Variants in RASGRF2 observed in about 807,000 individuals in gnomAD.
RASGRF2 encodes the protein ras-specific guanine nucleotide-releasing factor 2.
A neutral mutation model predicts 151.0 loss-of-function variants in RASGRF2; 76 were observed. The observed-to-expected ratio is 0.50, with a 90% CI of 0.42 to 0.61. RASGRF2 has a LOEUF of 0.61. Ranked by LOEUF, RASGRF2 falls within the 20% of genes least tolerant of loss-of-function variation. The pLI, the probability that RASGRF2 is intolerant of heterozygous loss-of-function variation, is 0.00. For synonymous variants in RASGRF2, 504 were observed against 566.5 expected (o/e 0.89, Z 1.57); for missense variants, 1,148 against 1,564.6 (o/e 0.73, Z 4.49).
intron 1 of RASGRF2, among the ~76,000 whole-genome samples, chr5:81,020,081 A>G (rs1749776313): frequency 6.6e-6 from 1 of 152,240 alleles, no homozygotes; most frequent in African/African-American, 2.4e-5. Context: ...AAGACTGAAA[A>G]TGAAAATTCA....
chr5:81,045,837 T>G (rs752092637), intron 2 of RASGRF2, among the ~76,000 whole-genome samples: 4 of 152,222 alleles, frequency 2.6e-5, no homozygotes, highest in Non-Finnish European at 4.4e-5. Flanking sequence ...AACTTGGATC[T>G]GCAAAATTCA....
At chr5:81,217,571 CTTCTTTTT>C in intron 25 of RASGRF2, 98 bp downstream of exon 25, 3 of 360,650 alleles carry the variant, frequency 8.3e-6, no homozygotes, top group Non-Finnish European at 7.9e-6. Flanking sequence ...TTTTTTTTCT[CTTCTTTTT>C]TTTTTTTTTT....
intron 2 of RASGRF2, among the ~76,000 whole-genome samples, chr5:81,051,759 G>C (rs754788961): frequency 1.3e-5 from 2 of 152,016 alleles, no homozygotes; most frequent in Non-Finnish European, 2.9e-5. Context: ...CTTTTTGCTA[G>C]TATGAATAAT....
At chr5:81,184,847 C>T (rs1012729108) in intron 18 of RASGRF2, among the ~76,000 whole-genome samples, 1 of 152,202 alleles carries the variant, frequency 6.6e-6, no homozygotes, top group African/African-American at 2.4e-5. Context: ...GTGGGAGTGA[C>T]CAAGATCCAG....
intron 18 of RASGRF2, among the ~76,000 whole-genome samples, chr5:81,187,089 A>G (rs1755041833): frequency 6.6e-6 from 1 of 152,162 alleles, no homozygotes; most frequent in South Asian, 2.1e-4. Flanking sequence ...ATCTGGTCCA[A>G]ACCCAGACCT....
intron 1 of RASGRF2, among the ~76,000 whole-genome samples, chr5:80,993,629 G>C (rs1027622107): frequency 2.6e-5 from 4 of 152,206 alleles, no homozygotes; most frequent in Non-Finnish European, 4.4e-5. Flanking sequence ...GAACCAATAA[G>C]GCCTAGTGCA....
intron 2 of RASGRF2, among the ~76,000 whole-genome samples, chr5:81,051,449 C>A (rs1170476860): frequency 6.6e-6 from 1 of 152,164 alleles, no homozygotes; most frequent in Non-Finnish European, 1.5e-5. Context: ...TTCAACACCA[C>A]AAAAGAAACC....
At chr5:81,094,738 G>T in intron 11 of RASGRF2, 118 bp from the exon 12 acceptor site, 1 of 1,145,108 alleles carries the variant, frequency 8.7e-7, no homozygotes, top group Non-Finnish European at 1.2e-6. Flanking sequence ...CGATATTGCT[G>T]AAATGAGAGT....
chr5:81,020,665 A>G (rs1273648015), intron 1 of RASGRF2, among the ~76,000 whole-genome samples: 1 of 152,198 alleles, frequency 6.6e-6, no homozygotes, highest in African/African-American at 2.4e-5. Flanking sequence ...AGAAGGCTCC[A>G]GGGGAGGATT....
At position 81,206,917 on chromosome 5, in the gene RASGRF2, C is replaced by A. The variant is rs6453542; in HGVS notation, c.2967+12C>A. The stretch of plus-strand genomic sequence containing the variant: ...ATATAATTCAAATGGTAAGTCTGAC[C>A]ACATTTTTATCTAGCACAACTATGT... On this transcript the variant is annotated intron_variant, in intron 20 of 26. Transcript: ENST00000265080. 4 of 1,584,566 alleles carry A rather than the reference C, an allele frequency of 2.5e-6. No individual in the cohort carries two copies. Among genetic ancestry groups the A allele is most frequent in the Middle Eastern group, 3.3e-4 (2 of 6,006 alleles).
intron 17 of RASGRF2, among the ~76,000 whole-genome samples, chr5:81,141,231 C>T (rs563216477): frequency 6.6e-6 from 1 of 152,136 alleles, no homozygotes; most frequent in African/African-American, 2.4e-5. Flanking sequence ...GCAGTAAACT[C>T]CTGAATCTCT....
At chr5:81,053,195 A>G (rs1390357479) in intron 2 of RASGRF2, among the ~76,000 whole-genome samples, 3 of 151,816 alleles carry the variant, frequency 2.0e-5, no homozygotes, top group African/African-American at 7.3e-5. Context: ...TTACATATGT[A>G]TACATGTGCC....
rs772658749 is a variant in RASGRF2, at chr5:81,113,593, G to C, written c.2143G>C (p.Asp715His). 3.1e-6 allele frequency: 5 copies of C among 1,608,418 alleles called. No individual in the cohort carries two copies. Among genetic ancestry groups the C allele is most frequent in the Non-Finnish European group, 4.3e-6 (5 of 1,174,922 alleles). Residue 715 changes from aspartate (D) to histidine (H), a missense_variant, in exon 15 of 27, where the codon GAT becomes CAT. Physicochemically the swap from Asp to His is moderately conservative, Grantham distance 81. This residue lies in a region of RASGRF2 where 646 missense variants were observed against 807.4 expected (regional missense o/e 0.80). Transcript: ENST00000265080. ...GAACAACAGAGGTGAACATTTGGTG[G>C]ATGGCAAATCCCCACGTCTGTGTCG... Reference protein sequence around the residue: ...SQNNRGEHLVDGKSPRLCRKF... With the variant: ...SQNNRGEHLVHGKSPRLCRKF...
intron 1 of RASGRF2, among the ~76,000 whole-genome samples, chr5:81,004,079 T>TGGGGCAGA (rs1398933957): frequency 1.3e-5 from 2 of 152,208 alleles, no homozygotes; most frequent in African/African-American, 4.8e-5. Flanking sequence ...GCCCCAGAGC[T>TGGGGCAGA]GTTGTTGATA....
chr5:81,178,401 T>G (rs78526549), intron 17 of RASGRF2, among the ~76,000 whole-genome samples: 1 of 152,222 alleles, frequency 6.6e-6, no homozygotes, highest in Admixed American at 6.5e-5. Flanking sequence ...TGGTTATTTA[T>G]TTATTTATTT....
chr5:81,026,369 G>T (rs894223620), intron 1 of RASGRF2, among the ~76,000 whole-genome samples: 2 of 151,730 alleles, frequency 1.3e-5, no homozygotes, highest in Non-Finnish European at 2.9e-5. Flanking sequence ...CCAAGACTCT[G>T]CAATGTGTCC....
At chr5:80,982,580 C>CTATTATTATTGTTATTAT (rs1748337179) in intron 1 of RASGRF2, among the ~76,000 whole-genome samples, 1 of 135,170 alleles carries the variant, frequency 7.4e-6, no homozygotes, top group African/African-American at 2.7e-5. Flanking sequence ...AAATTTGGTT[C>CTATTATTATTGTTATTAT]TATTATTATT....
chr5:81,073,909 A>G (rs181016702), intron 5 of RASGRF2, among the ~76,000 whole-genome samples: 9 of 152,126 alleles, frequency 5.9e-5, no homozygotes, highest in African/African-American at 2.2e-4. Flanking sequence ...GAGCCACCAC[A>G]CCCAGCCTGC....
At chr5:81,173,236 G>A (rs1754698733) in intron 17 of RASGRF2, among the ~76,000 whole-genome samples, 1 of 152,066 alleles carries the variant, frequency 6.6e-6, no homozygotes. Flanking sequence ...AAATTAGGCA[G>A]GTGTGATGGT....
Sources: allele counts gnomAD v4.1 joint callset (sites outside exome capture counted in the v4.1 genomes callset), GRCh38; gene constraint gnomAD v4.1.1; regional missense constraint gnomAD v4.1.1; transcripts MANE v1.5; gene names NCBI Gene and HGNC (gene_info 2026-07-23, HGNC 2026-07-21).